The following PDE4D variants were observed in gnomAD, a reference collection of about 807,000 sequenced individuals.
PDE4D encodes the protein phosphodiesterase 4D.
Under a neutral mutation model 87.4 loss-of-function variants are expected in PDE4D, and 24 were observed. The observed-to-expected ratio is 0.27, with a 90% CI of 0.20 to 0.39. The LOEUF (loss-of-function observed/expected upper bound fraction) is 0.39, where lower values mean the gene tolerates loss of function less well. PDE4D is among the 10% of genes least tolerant of loss of function. The pLI, the probability that PDE4D is intolerant of heterozygous loss-of-function variation, is 1.00. For synonymous variants in PDE4D, 384 were observed against 383.2 expected (o/e 1.00, Z -0.02); for missense variants, 714 against 1,041.0 (o/e 0.69, Z 4.32).
At chr5:59,435,176 A>T (rs905274582) in intron 1 of PDE4D, among the ~76,000 whole-genome samples, 1 of 152,020 alleles carries the variant, frequency 6.6e-6, no homozygotes, top group Non-Finnish European at 1.5e-5. Flanking sequence ...TTTCCTCCTC[A>T]AATCTATCCT....
In PDE4D at chr5:59,777,314, T is replaced by C. The variant is rs189793099; in HGVS notation, c.455+115854A>G. On this transcript the variant is annotated intron_variant, in intron 1 of 14. Coordinates refer to ENST00000340635, the MANE Select transcript of PDE4D (RefSeq NM_001104631.2). ...TCTCCAAATGTAAAAGACATAACCT[T>C]AGCAAAGACTATGAGAGGGATGGGG... Among the ~76,000 whole-genome samples the C allele has an allele frequency of 1.4e-3, 218 of 152,274 alleles. 1 individual carries two copies. Among genetic ancestry groups the C allele is most frequent in the African/African-American group, 5.1e-3 (210 of 41,556 alleles).
rs1413944284 is a variant in PDE4D at position 60,059,038 on chromosome 5, A to ATGTGTGTGTGTGTG, written c.43-70322_43-70321insCACACACACACACA. Among the ~76,000 whole-genome samples, 20 of 49,344 alleles carry ATGTGTGTGTGTGTG rather than the reference A, an allele frequency of 4.1e-4. No individual in the cohort carries two copies. In the East Asian group the frequency reaches 0.018, roughly 44 times the overall value. 32.4% of individuals were successfully genotyped at this position (49,344 alleles called of 152,430 possible). ...TCTATCTATCTTTTTTGGCATTGTC[A>ATGTGTGTGTGTGTG]TATGTGTGTGTGTGTGTGTGTGTGT... On this transcript the variant is annotated intron_variant, in intron 2 of 16. Transcript: ENST00000502484.
At chr5:59,556,360 CACTT>C (rs1818917582) in intron 1 of PDE4D, among the ~76,000 whole-genome samples, 2 of 152,150 alleles carry the variant, frequency 1.3e-5, no homozygotes, top group South Asian at 4.1e-4. Context: ...AGGTGACTCT[CACTT>C]ATTCAGCACA....
At chr5:59,422,279 C>T (rs1353455124) in intron 1 of PDE4D, among the ~76,000 whole-genome samples, 1 of 152,120 alleles carries the variant, frequency 6.6e-6, no homozygotes, top group African/African-American at 2.4e-5. Flanking sequence ...TCCTTCTCAT[C>T]AAATTTCTTC....
chr5:59,053,400 C>T (rs1277059880), intron 5 of PDE4D, among the ~76,000 whole-genome samples: 2 of 141,802 alleles, frequency 1.4e-5, no homozygotes, highest in East Asian at 2.0e-4. Context: ...CACACACACA[C>T]ACACACAATC....
chr5:59,479,460 T>C (rs541922542), intron 1 of PDE4D, among the ~76,000 whole-genome samples: 1 of 152,276 alleles, frequency 6.6e-6, no homozygotes, highest in African/African-American at 2.4e-5. Flanking sequence ...ATACGTATTT[T>C]CTATTTTTTA....
chr5:59,646,970 G>C (rs1742560930), intron 1 of PDE4D, among the ~76,000 whole-genome samples: 4 of 152,126 alleles, frequency 2.6e-5, no homozygotes, highest in South Asian at 4.1e-4. Context: ...GGGAGGTGGA[G>C]GTTGCAGTGA....
At chr5:60,121,347 T>C (rs2149378938) in intron 2 of PDE4D, among the ~76,000 whole-genome samples, 1 of 152,122 alleles carries the variant, frequency 6.6e-6, no homozygotes, top group South Asian at 2.1e-4. Context: ...AGGAATTATT[T>C]CTAACTCATA....
intron 3 of PDE4D, among the ~76,000 whole-genome samples, chr5:59,985,266 G>A (rs1343910529): frequency 6.6e-6 from 1 of 151,710 alleles, no homozygotes; most frequent in Admixed American, 6.6e-5. Flanking sequence ...AGCCTCCTGA[G>A]TAGCTGGGAC....
At chr5:60,245,347 G>T (rs1333430941) in intron 1 of PDE4D, among the ~76,000 whole-genome samples, 1 of 151,940 alleles carries the variant, frequency 6.6e-6, no homozygotes, top group Non-Finnish European at 1.5e-5. Flanking sequence ...ATGTAAATTA[G>T]TACAACCACT....
At chr5:59,667,113 A>C (rs749085826) in intron 1 of PDE4D, among the ~76,000 whole-genome samples, 1 of 152,206 alleles carries the variant, frequency 6.6e-6, no homozygotes, top group East Asian at 1.9e-4. Flanking sequence ...ACATTTCAAT[A>C]TTATTAATGT....
At chr5:60,016,641 C>G (rs1468091493) in intron 2 of PDE4D, among the ~76,000 whole-genome samples, 2 of 152,162 alleles carry the variant, frequency 1.3e-5, no homozygotes, top group Non-Finnish European at 2.9e-5. Context: ...ACAATGTTCA[C>G]AGCGTCTTCA....
chr5:59,856,381 CTA>C (rs1745439323), intron 1 of PDE4D, among the ~76,000 whole-genome samples: 1 of 151,718 alleles, frequency 6.6e-6, no homozygotes, highest in Non-Finnish European at 1.5e-5. Flanking sequence ...TCTCACTAAT[CTA>C]TAAAAAATTA....
chr5:59,437,557 G>A (rs778870469), intron 1 of PDE4D, among the ~76,000 whole-genome samples: 1 of 152,142 alleles, frequency 6.6e-6, no homozygotes, highest in Non-Finnish European at 1.5e-5. Flanking sequence ...AAGAGGAGGG[G>A]TCTTTGGCAA....
chr5:60,195,023 T>C (rs147785418), intron 1 of PDE4D, among the ~76,000 whole-genome samples: 20 of 151,786 alleles, frequency 1.3e-4, no homozygotes, highest in African/African-American at 4.1e-4. Context: ...ATTCTTTGCA[T>C]ACGCCATACG....
chr5:59,912,505 A>T (rs1187746271), intron 3 of PDE4D, among the ~76,000 whole-genome samples: 1 of 152,168 alleles, frequency 6.6e-6, no homozygotes, highest in Non-Finnish European at 1.5e-5. Context: ...TAGTCTGGCA[A>T]TGTCAAAAAC....
chr5:59,646,554 G>A (rs1332969550), intron 1 of PDE4D, among the ~76,000 whole-genome samples: 1 of 152,086 alleles, frequency 6.6e-6, no homozygotes, highest in African/African-American at 2.4e-5. Context: ...TGCCTTGTAA[G>A]TGTTGGTAGT....
At chr5:59,063,852 AGAT>A (rs1271692928) in intron 5 of PDE4D, among the ~76,000 whole-genome samples, 3 of 152,166 alleles carry the variant, frequency 2.0e-5, no homozygotes, top group African/African-American at 7.2e-5. Flanking sequence ...AGAAAGTTAA[AGAT>A]GAGTGAAAAT....
At chr5:60,138,480 A>G (rs571798783) in intron 2 of PDE4D, among the ~76,000 whole-genome samples, 1 of 152,164 alleles carries the variant, frequency 6.6e-6, no homozygotes, top group South Asian at 2.1e-4. Flanking sequence ...AATTCCAAAT[A>G]TATTATTTCC....
Sources: allele counts gnomAD v4.1 joint callset (sites outside exome capture counted in the v4.1 genomes callset), GRCh38; gene constraint gnomAD v4.1.1; transcripts MANE v1.5; gene names NCBI Gene and HGNC (gene_info 2026-07-23, HGNC 2026-07-21).